TBK1: variants seen among roughly 807,000 people sequenced by gnomAD.
TBK1 encodes TANK binding kinase 1, also known as serine/threonine-protein kinase TBK1.
Under a neutral mutation model 99.9 loss-of-function variants are expected in TBK1, and 37 were observed. The ratio of observed to expected loss-of-function variants is 0.37; its 90% CI spans 0.28 to 0.49. The LOEUF (loss-of-function observed/expected upper bound fraction) is 0.49. TBK1 is among the 20% of genes least tolerant of loss of function. The pLI is 0.98. For missense variants in TBK1, 644 were observed against 872.5 expected, an observed-to-expected ratio of 0.74 and a Z score of 3.30; for synonymous variants, 258 against 279.8, an observed-to-expected ratio of 0.92 and a Z score of 0.78.
At chr12:64,454,763 G>A (rs570226102) in intron 1 of TBK1, among the ~76,000 whole-genome samples, 67 of 129,412 alleles carry the variant, frequency 5.2e-4, no homozygotes, top group Non-Finnish European at 5.6e-4. Flanking sequence ...TGCAAGCTCC[G>A]CCTCCCGGGT....
chr12:64,495,319 C>A, intron 13 of TBK1, 164 bp from the exon 14 acceptor site: 1 of 819,672 alleles, frequency 1.2e-6, no homozygotes, highest in South Asian at 1.9e-5. Context: ...TGGTGGAAAT[C>A]AACCTAAGAA....
chr12:64,501,273 T>G, intron 20 of TBK1, 57 bp from the exon 21 acceptor site: 1 of 1,579,498 alleles, frequency 6.3e-7, no homozygotes, highest in Non-Finnish European at 8.7e-7. Flanking sequence ...GTTGGGGGCC[T>G]TTATACATAA....
chr12:64,484,512 T>G lies in TBK1; in HGVS notation c.1189+13T>G. On this transcript the variant is annotated intron_variant, in intron 9 of 20. Transcript: ENST00000331710. ...ATATATGAAAAAAGTAAGTTGGGATTTTTCTTGTCGTTCTTACTAGCCATT... is the reference window on the plus strand; with the variant it reads ...ATATATGAAAAAAGTAAGTTGGGATGTTTCTTGTCGTTCTTACTAGCCATT... 1.3e-6 allele frequency: 2 copies of G among 1,593,100 alleles called. No homozygotes were observed. The highest frequency in any genetic ancestry group is 1.7e-6 in the Non-Finnish European group (2 of 1,171,584).
chr12:64,479,225 G>A (rs2040743283), intron 6 of TBK1, among the ~76,000 whole-genome samples: 1 of 152,156 alleles, frequency 6.6e-6, no homozygotes, highest in African/African-American at 2.4e-5. Flanking sequence ...TTTAAAACTT[G>A]TAAGCATTCC....
chr12:64,461,221 AAAT>A (rs2040545654), intron 3 of TBK1, among the ~76,000 whole-genome samples: 1 of 152,086 alleles, frequency 6.6e-6, no homozygotes, highest in Admixed American at 6.5e-5. Context: ...AACTTTAAAA[AAAT>A]AAAAATTTTG....
rs1311864742 is a variant in TBK1 at position 64,480,041 on chromosome 12, G to T, written c.731G>T (p.Gly244Val). The T allele has an allele frequency of 6.2e-7, 1 of 1,611,990 alleles. No individual in the cohort carries two copies. ...MYKIITGKPSGAISGVQKAEN... is the reference protein window; with the variant it reads ...MYKIITGKPSVAISGVQKAEN... ...AAAATAATTACAGGAAAGCCTTCTG[G>T]TGCAATATCTGGAGTACAGAAAGCA... Residue 244 changes from glycine (G) to valine (V), a missense_variant, in exon 7 of 21, where the codon GGT becomes GTT. Transcript: ENST00000331710.
chr12:64,499,037 C>CTTTTTTT (rs763709411), intron 20 of TBK1, among the ~76,000 whole-genome samples: 10 of 79,268 alleles, frequency 1.3e-4, no homozygotes, highest in South Asian at 5.1e-4. Flanking sequence ...TAATTTTATT[C>CTTTTTTT]TTTTTTTTTT....
At chr12:64,490,713 G>T (rs1438054925) in intron 13 of TBK1, among the ~76,000 whole-genome samples, 4 of 152,100 alleles carry the variant, frequency 2.6e-5, no homozygotes, top group Admixed American at 2.6e-4. Context: ...CAAGGCAGGT[G>T]GATCACCTGA....
chr12:64,501,276 A>G (rs1336766367), intron 20 of TBK1, 54 bp from the exon 21 acceptor site: 1 of 1,585,564 alleles, frequency 6.3e-7, no homozygotes, highest in Non-Finnish European at 8.6e-7. Context: ...GGGGGCCTTT[A>G]TACATAAATG....
At position 64,484,500 on chromosome 12, in the gene TBK1, G is replaced by GT. The variant is rs2040799362; in HGVS notation, c.1189+2dup. ...ACCATAGGATTAATATATGAAAAAA[G>GT]TAAGTTGGGATTTTTCTTGTCGTTC... is the stretch of plus-strand genomic sequence containing the variant. On this transcript the variant is annotated splice_donor_variant, in intron 9 of 20. Coordinates refer to ENST00000331710, the MANE Select transcript of TBK1 (RefSeq NM_013254.4). LOFTEE classifies it high-confidence loss of function. 1 of 1,592,356 alleles carries GT rather than the reference G, an allele frequency of 6.3e-7. No homozygotes were observed. Among genetic ancestry groups the GT allele is most frequent in the African/African-American group, 1.4e-5 (1 of 73,486 alleles).
intron 7 of TBK1, among the ~76,000 whole-genome samples, chr12:64,481,248 T>C (rs1420949594): frequency 2.0e-5 from 3 of 152,122 alleles, no homozygotes; most frequent in Non-Finnish European, 2.9e-5. Context: ...AATAATTATA[T>C]TGCCAAAACT....
Position 64,484,425 on chromosome 12 carries a change from A to C in TBK1, c.1115A>C (p.Lys372Thr). ...EPGRLAQHFP[K>T]TTEENPIFVV... ...GGAAGGCTGGCACAACATTTCCCTA[A>C]AACTACTGAGGAAAACCCTATATTT... is the stretch of plus-strand genomic sequence containing the variant. The change falls in exon 9 of 21, where the codon AAA becomes ACA. Residue 372 changes from lysine to threonine, a missense_variant. By Grantham distance (78) the Lys-to-Thr change is moderately conservative. This residue lies in a region of TBK1 where 465 missense variants were observed against 588.0 expected (regional missense o/e 0.79). Transcript: ENST00000331710. 1 of 1,614,142 alleles carries C rather than the reference A, an allele frequency of 6.2e-7. No homozygotes were observed. The highest frequency in any genetic ancestry group is 1.1e-5 in the South Asian group (1 of 91,078).
In TBK1 at chr12:64,474,372, G is replaced by GT; in HGVS notation, c.684dup (p.Arg229Ter). The GT allele has an allele frequency of 6.2e-7, 1 of 1,611,666 alleles. No individual in the cohort carries two copies. The highest frequency in any genetic ancestry group is 8.5e-7 in the Non-Finnish European group (1 of 1,179,338). ...CCATTTAGACCCTTTGAAGGGCCTC[G>GT]TAGGAATAAAGAAGTGATGTAAGTG... On this transcript the variant is annotated frameshift_variant, in exon 6 of 21. Coordinates refer to ENST00000331710, the MANE Select transcript of TBK1 (RefSeq NM_013254.4). LOFTEE classifies it high-confidence loss of function.
At chr12:64,484,193 TATG>T in intron 8 of TBK1, 107 bp from the exon 9 acceptor site, 1 of 710,252 alleles carries the variant, frequency 1.4e-6, no homozygotes, top group East Asian at 2.7e-5. Flanking sequence ...ATGGACTGGT[TATG>T]ATATTAGGGA....
intron 9 of TBK1, among the ~76,000 whole-genome samples, chr12:64,485,064 A>G (rs1427938552): frequency 6.6e-6 from 1 of 152,162 alleles, no homozygotes; most frequent in East Asian, 1.9e-4. Flanking sequence ...GTATGTATAG[A>G]ACATTGTGCC....
Position 64,490,055 on chromosome 12 carries a change from T to A in TBK1, c.1457T>A (p.Met486Lys), listed in dbSNP as rs1592372492. 1.2e-6 allele frequency: 2 copies of A among 1,608,854 alleles called. No homozygotes were observed. ...TTTTCATACAGATATGAAAAGTTGA[T>A]GAAGATCAACCTGGAAGCGGCAGAG... Reference protein sequence around the residue: ...EKTVKVYEKLMKINLEAAELG... With the variant: ...EKTVKVYEKLKKINLEAAELG... The change falls in exon 13 of 21, where the codon ATG becomes AAG. Residue 486 changes from methionine (M) to lysine (K), a missense_variant. Physicochemically the swap from Met to Lys is moderately conservative, Grantham distance 95. Coordinates refer to ENST00000331710, the MANE Select transcript of TBK1 (RefSeq NM_013254.4).
intron 7 of TBK1, 85 bp from the exon 8 acceptor site, chr12:64,481,757 G>C: frequency 1.0e-6 from 1 of 995,838 alleles, no homozygotes; most frequent in East Asian, 3.0e-5. Context: ...CAGTTCCTTT[G>C]ATTTGCTGGT....
chr12:64,490,667 G>T (rs770938575), intron 13 of TBK1, among the ~76,000 whole-genome samples: 1 of 152,262 alleles, frequency 6.6e-6, no homozygotes, highest in South Asian at 2.1e-4. Flanking sequence ...GCTGGGCGCG[G>T]TGGCTCATGC....
At chr12:64,454,672 CTTTTTTTTTTTTT>C (rs11358053) in intron 1 of TBK1, among the ~76,000 whole-genome samples, 1 of 83,632 alleles carries the variant, frequency 1.2e-5, no homozygotes, top group African/African-American at 4.9e-5. Flanking sequence ...AAACTCAGAT[CTTTTTTTTTTTTT>C]TTTTTTTTTG....
Sources: gnomAD v4.1 joint callset for allele counts (sites outside exome capture counted in the v4.1 genomes callset) on GRCh38, gnomAD v4.1.1 for gene constraint, gnomAD v4.1.1 regional missense constraint, MANE v1.5 for transcripts, NCBI Gene and HGNC (gene_info 2026-07-23, HGNC 2026-07-21) for gene names.